KLK11: variants seen among roughly 807,000 people sequenced by gnomAD.
KLK11 encodes kallikrein-11.
A neutral mutation model predicts 23.4 loss-of-function variants in KLK11; 10 were observed. The ratio of observed to expected loss-of-function variants is 0.43; its 90% CI spans 0.26 to 0.73. The LOEUF is 0.73. Among genes scored for constraint, KLK11 ranks in the 30% least tolerant of loss-of-function variants. The pLI is 0.22. For missense variants in KLK11, 285 were observed against 327.8 expected (o/e 0.87, Z 1.01); for synonymous variants, 131 against 131.7 (o/e 0.99, Z 0.03).
Position 51,024,157 on chromosome 19 carries a change from T to G in KLK11, c.351A>C (p.Ala117=). 1 of 1,613,392 alleles carries G rather than the reference T, an allele frequency of 6.2e-7. No individual in the cohort carries two copies. Among genetic ancestry groups the G allele is most frequent in the Non-Finnish European group, 8.5e-7 (1 of 1,179,472 alleles). The change falls in exon 4 of 6, where the codon GCA becomes GCC. Residue 117 remains alanine (A), a synonymous_variant. Coordinates refer to ENST00000453757, the MANE Select transcript of KLK11 (RefSeq NM_001136032.3). The surrounding 1 kb of genome is among the most constrained non-coding windows in gnomAD (Gnocchi z 6.2). Reference sequence around the variant, plus strand: ...CAGCCCAGGTGATGGAGACTGGCGATGCCATCTTCACCAGCATGATGTCAT... The same window carrying G: ...CAGCCCAGGTGATGGAGACTGGCGAGGCCATCTTCACCAGCATGATGTCAT... ...HRNDIMLVKM[A]SPVSITWAVR...
In KLK11 at chr19:51,025,612, A is replaced by G. The variant is rs575691073; in HGVS notation, c.20T>C (p.Ile7Thr). MRILQL[I>T]LLALATGLVG... ...CGTACCTGTTGCCAGAGCAAGCAGG[A>G]TTAACTGCAGAATCCTCATGGCCTG... is the stretch of plus-strand genomic sequence containing the variant. The change falls in exon 2 of 6, where the codon ATC becomes ACC. Residue 7 changes from isoleucine (I) to threonine (T), a missense_variant. Ile to Thr is a moderately conservative substitution (Grantham distance 89). Coordinates refer to ENST00000453757, the MANE Select transcript of KLK11 (RefSeq NM_001136032.3). The surrounding 1 kb of genome is among the most constrained non-coding windows in gnomAD (Gnocchi z 6.2). The G allele has an allele frequency of 1.1e-5, 18 of 1,589,374 alleles. No homozygotes were observed. Among genetic ancestry groups the G allele is most frequent in the South Asian group, 2.3e-5 (2 of 86,684 alleles).
Position 51,025,572 on chromosome 19 carries a change from T to C in KLK11, c.40+20A>G. ...AGATTCAAGAGGGAGGATCCTGCCC[T>C]GCCCCCATCCCCTGCGTACCTGTTG... On this transcript the variant is annotated intron_variant, in intron 2 of 5. Coordinates refer to ENST00000453757, the MANE Select transcript of KLK11 (RefSeq NM_001136032.3). The surrounding 1 kb of genome is among the most constrained non-coding windows in gnomAD (Gnocchi z 6.2). 6.5e-7 allele frequency: 1 copy of C among 1,530,204 alleles called. No individual in the cohort carries two copies. Among genetic ancestry groups the C allele is most frequent in the Non-Finnish European group, 8.9e-7 (1 of 1,126,684 alleles). 94.8% of individuals were successfully genotyped at this position (1,530,204 alleles called of 1,614,324 possible).
rs951348471 is a variant in KLK11, at chr19:51,024,441, C to A, written c.198-131G>T. The A allele has an allele frequency of 1.4e-6, 2 of 1,440,428 alleles. No individual in the cohort carries two copies. Among genetic ancestry groups the A allele is most frequent in the Non-Finnish European group, 1.9e-6 (2 of 1,075,492 alleles). 89.2% of individuals were successfully genotyped at this position (1,440,428 alleles called of 1,614,324 possible). A position where few individuals can be genotyped will look rare whatever the true frequency, so the allele number is the denominator to read the frequency against. On this transcript the variant is annotated intron_variant, in intron 3 of 5. Transcript: ENST00000453757. This position sits in a 1 kb window ranked among gnomAD's most constrained non-coding sequence, Gnocchi z 6.2. ...CCTCTTCCACGTCTCCCACCGAAGC[C>A]CCCTTCCCAGCCATAGCCCCATCCC...
rs1197923375 is a variant in KLK11, at chr19:51,024,443, C to G, written c.198-133G>C. 1.0e-5 allele frequency: 15 copies of G among 1,429,482 alleles called. No individual in the cohort carries two copies. The East Asian group carries it at 3.2e-4, about 30-fold the overall frequency. The allele number at this position is 1,429,482 out of a possible 1,614,324, so 88.5% of individuals were successfully genotyped here. ...TCTTCCACGTCTCCCACCGAAGCCC[C>G]CTTCCCAGCCATAGCCCCATCCCAA... On this transcript the variant is annotated intron_variant, in intron 3 of 5. Transcript: ENST00000453757. This position sits in a 1 kb window ranked among gnomAD's most constrained non-coding sequence, Gnocchi z 6.2.
At chr19:51,026,065 G>A (rs1483778848) in intron 1 of KLK11, among the ~76,000 whole-genome samples, 1 of 152,150 alleles carries the variant, frequency 6.6e-6, no homozygotes, top group African/African-American at 2.4e-5. Context: ...GGAAGGACAA[G>A]GGGAACCAGA....
chr19:51,024,813 A>G lies in KLK11; in HGVS notation c.41-19T>C. 3 of 1,542,948 alleles carry G rather than the reference A, an allele frequency of 1.9e-6. No homozygotes were observed. The highest frequency in any genetic ancestry group is 2.6e-6 in the Non-Finnish European group (3 of 1,152,804). On this transcript the variant is annotated intron_variant, in intron 2 of 5. Transcript: ENST00000453757. The surrounding 1 kb of genome is among the most constrained non-coding windows in gnomAD (Gnocchi z 6.2). ...ACAAGCCCTGGAGGGGGTGAGAGCA[A>G]AAGAAGGGGCTCAGGAAGGAGAGGT...
chr19:51,024,316 G>A lies in KLK11; in HGVS notation c.198-6C>T. 6.2e-7 allele frequency: 1 copy of A among 1,612,904 alleles called. No individual in the cohort carries two copies. Among genetic ancestry groups the A allele is most frequent in the Non-Finnish European group, 8.5e-7 (1 of 1,179,590 alleles). On this transcript the variant is annotated splice_polypyrimidine_tract_variant and splice_region_variant and intron_variant, in intron 3 of 5. Transcript: ENST00000453757. This position sits in a 1 kb window ranked among gnomAD's most constrained non-coding sequence, Gnocchi z 6.2. ...CCAGGTGAACTATGTAGCGGCTGAG[G>A]TGGGAGAGACAGTAGTTGGAGGAGG...
At position 51,026,610 on chromosome 19, in the gene KLK11, C is replaced by T. The variant is rs557178578; in HGVS notation, c.-108G>A. On this transcript the variant is annotated 5_prime_UTR_variant, in exon 1 of 6. Coordinates refer to ENST00000453757, the MANE Select transcript of KLK11 (RefSeq NM_001136032.3). ...AGTGGCGGCAGCTACAGCAGGTAGG[C>T]TGGGTTGGAGCGCCAGGTGCCAGGC... The T allele has an allele frequency of 1.3e-4, 127 of 987,036 alleles. No homozygotes were observed. The African/African-American group carries it at 2.1e-3, about 16-fold the overall frequency. 61.1% of individuals were successfully genotyped at this position (987,036 alleles called of 1,614,324 possible). A position where few individuals can be genotyped will look rare whatever the true frequency, so the allele number is the denominator to read the frequency against.
At chr19:51,026,161 C>T (rs2091483594) in intron 1 of KLK11, among the ~76,000 whole-genome samples, 1 of 152,028 alleles carries the variant, frequency 6.6e-6, no homozygotes, top group Non-Finnish European at 1.5e-5. Context: ...GAGTAGGGGG[C>T]TCAGCCCCAG....
rs1445847744 is a variant in KLK11 at position 51,025,597 on chromosome 19, G to A, written c.35C>T (p.Ala12Val). 1.3e-6 allele frequency: 2 copies of A among 1,581,258 alleles called. No individual in the cohort carries two copies. The highest frequency in any genetic ancestry group is 1.7e-4 in the Middle Eastern group (1 of 6,012). Residue 12 changes from alanine to valine, a missense_variant, in exon 2 of 6, where the codon GCA (alanine) becomes GTA (valine). Physicochemically the swap from Ala to Val is moderately conservative, Grantham distance 64 (BLOSUM62 0). Transcript: ENST00000453757. The surrounding 1 kb of genome is among the most constrained non-coding windows in gnomAD (Gnocchi z 6.2). ...TGCCCCCATCCCCTGCGTACCTGTT[G>A]CCAGAGCAAGCAGGATTAACTGCAG... The part of the protein sequence containing the change: ...RILQLILLAL[A>V]TGLVGGETRI...
upstream of KLK11, chr19:51,027,832 G>C (rs534027865): frequency 1.2e-5 from 4 of 346,056 alleles, no homozygotes; most frequent in Admixed American, 4.5e-5. Flanking sequence ...CACTTGGAAA[G>C]AGCAGACTGC....
rs1312321609 is a variant in KLK11 at position 51,022,320 on chromosome 19, T to C, written c.*225A>G. 5 of 566,706 alleles carry C rather than the reference T, an allele frequency of 8.8e-6. No homozygotes were observed. Among genetic ancestry groups the C allele is most frequent in the East Asian group, 3.1e-5 (1 of 32,624 alleles). The allele number at this position is 566,706 out of a possible 1,614,324, so 35.1% of individuals were successfully genotyped here. A position where few individuals can be genotyped will look rare whatever the true frequency, so the allele number is the denominator to read the frequency against. On this transcript the variant is annotated 3_prime_UTR_variant, in exon 6 of 6. Coordinates refer to ENST00000453757, the MANE Select transcript of KLK11 (RefSeq NM_001136032.3). ...GGGATACAACAGAGAACAAACCAGG[T>C]GTTGTCATTCCCAGAGTCACAATAT...
At chr19:51,026,711 C>A (rs949090415), upstream of KLK11, 2 of 610,684 alleles carry the variant, frequency 3.3e-6, no homozygotes, top group Non-Finnish European at 4.1e-6. Context: ...TGCCTTAATG[C>A]CCCGGGGCGG....
Position 51,024,685 on chromosome 19 carries a change from C to G in KLK11, c.150G>C (p.Thr50=), listed in dbSNP as rs776314351. ...FEKTRLLCGA[T]LIAPRWLLTA... ...TCAGGAGCCATCTGGGGGCGATGAG[C>G]GTCGCCCCACAGAGTAGCCGCGTCT... The change falls in exon 3 of 6, where the codon ACG becomes ACC. Residue 50 remains threonine (T), a synonymous_variant. Coordinates refer to ENST00000453757, the MANE Select transcript of KLK11 (RefSeq NM_001136032.3). The surrounding 1 kb of genome is among the most constrained non-coding windows in gnomAD (Gnocchi z 6.2). The G allele has an allele frequency of 3.7e-6, 6 of 1,600,238 alleles. No individual in the cohort carries two copies. The highest frequency in any genetic ancestry group is 1.1e-5 in the South Asian group (1 of 88,920).
chr19:51,024,232 G>A lies in KLK11; in HGVS notation c.276C>T (p.Ser92=), dbSNP rs138271660. The change falls in exon 4 of 6, where the codon TCC becomes TCT. Residue 92 remains serine (S), a synonymous_variant. Coordinates refer to ENST00000453757, the MANE Select transcript of KLK11 (RefSeq NM_001136032.3). This position sits in a 1 kb window ranked among gnomAD's most constrained non-coding sequence, Gnocchi z 6.2. ...TGTTGTTGAAGCCGGGGTGGGGGAA[G>A]GACTCAGTGGCTGTCCGGGTCTGCT... is the stretch of plus-strand genomic sequence containing the variant. The part of the protein sequence containing the change: ...GCEQTRTATE[S]FPHPGFNNSL... 474 of 1,614,092 alleles carry A rather than the reference G, an allele frequency of 2.9e-4. No individual in the cohort carries two copies. The African/African-American group carries it at 5.6e-3, about 19-fold the overall frequency.
chr19:51,025,632 G>A lies in KLK11; in HGVS notation c.-1C>T. 1 of 1,589,634 alleles carries A rather than the reference G, an allele frequency of 6.3e-7. No individual in the cohort carries two copies. Among genetic ancestry groups the A allele is most frequent in the East Asian group, 2.3e-5 (1 of 43,072 alleles). On this transcript the variant is annotated 5_prime_UTR_variant, in exon 2 of 6. Transcript: ENST00000453757. The surrounding 1 kb of genome is among the most constrained non-coding windows in gnomAD (Gnocchi z 6.2). ...GCAGGATTAACTGCAGAATCCTCAT[G>A]GCCTGGAGGGGGGAGGAGCGGGCCC...
At chr19:51,023,347 C>A in intron 4 of KLK11, 119 bp from the exon 5 acceptor site, 5 of 1,133,128 alleles carry the variant, frequency 4.4e-6, no homozygotes, top group Non-Finnish European at 3.7e-6. Flanking sequence ...CAACTCACCT[C>A]TCTTCTTGTA....
chr19:51,024,600 GC>G lies in KLK11; in HGVS notation c.197+37del, dbSNP rs1456797463. ...CTCTCCATCCATCTCCCCATTCCCAGCCCCCCACCCCGGCACCGCCCCAGCC... is the reference window on the plus strand; with the variant it reads ...CTCTCCATCCATCTCCCCATTCCCAGCCCCCACCCCGGCACCGCCCCAGCC... On this transcript the variant is annotated intron_variant, in intron 3 of 5. Transcript: ENST00000453757. The surrounding 1 kb of genome is among the most constrained non-coding windows in gnomAD (Gnocchi z 6.2). 2.1e-6 allele frequency: 3 copies of G among 1,415,770 alleles called. No homozygotes were observed. Among genetic ancestry groups the G allele is most frequent in the Non-Finnish European group, 2.8e-6 (3 of 1,064,560 alleles). The allele number at this position is 1,415,770 out of a possible 1,614,324, so 87.7% of individuals were successfully genotyped here.
chr19:51,025,366 G>GC lies in KLK11; in HGVS notation c.40+225dup. Among the ~76,000 whole-genome samples, 1 of 152,042 alleles carries GC rather than the reference G, an allele frequency of 6.6e-6. No individual in the cohort carries two copies. The highest frequency in any genetic ancestry group is 1.5e-5 in the Non-Finnish European group (1 of 68,034). On this transcript the variant is annotated intron_variant, in intron 2 of 5. Transcript: ENST00000453757. This position sits in a 1 kb window ranked among gnomAD's most constrained non-coding sequence, Gnocchi z 6.2. ...TGCTCCCCCAACTCCAGCTTCCTCA[G>GC]CCCCTCCACGGGACCCTTTACGACC... is the stretch of plus-strand genomic sequence containing the variant.
Sources: gnomAD v4.1 joint callset for allele counts (sites outside exome capture counted in the v4.1 genomes callset) on GRCh38, gnomAD v4.1.1 for gene constraint, Gnocchi (gnomAD v3.1) non-coding constraint, MANE v1.5 for transcripts, NCBI Gene and HGNC (gene_info 2026-07-23, HGNC 2026-07-21) for gene names.